Variants in SLC17A1 observed in about 807,000 individuals in gnomAD.
The protein encoded by SLC17A1 is sodium-dependent phosphate transport protein 1.
A neutral mutation model predicts 53.5 loss-of-function variants in SLC17A1; 51 were observed. That is an observed-to-expected ratio of 0.95 (90% CI 0.76 to 1.20). SLC17A1 has a LOEUF of 1.20. Ranked by LOEUF, SLC17A1 falls within the 50% of genes most tolerant of loss-of-function variation. The pLI is 0.00. For synonymous variants in SLC17A1, 179 were observed against 198.8 expected (o/e 0.90, Z 0.84); for missense variants, 538 against 568.2 (o/e 0.95, Z 0.54).
intron 12 of SLC17A1, among the ~76,000 whole-genome samples, chr6:25,786,049 C>G (rs762216689): frequency 1.8e-4 from 28 of 152,168 alleles, no homozygotes; most frequent in Non-Finnish European, 1.9e-4. Flanking sequence ...CTATTCACAG[C>G]AGCCAAAAGG....
At chr6:25,807,494 A>G (rs1764000799) in intron 10 of SLC17A1, among the ~76,000 whole-genome samples, 1 of 151,996 alleles carries the variant, frequency 6.6e-6, no homozygotes, top group African/African-American at 2.4e-5. Context: ...TTGGGGGAAC[A>G]GGTGGTATTT....
intron 8 of SLC17A1, among the ~76,000 whole-genome samples, chr6:25,812,596 G>A (rs1177370473): frequency 1.3e-5 from 2 of 152,126 alleles, no homozygotes; most frequent in South Asian, 2.1e-4. Context: ...GCAAATGTGC[G>A]GAAATATAGA....
At chr6:25,744,997 CA>C in the SLC17A1 span, among the ~76,000 whole-genome samples, 2 of 151,730 alleles carry the variant, frequency 1.3e-5, no homozygotes, top group South Asian at 2.1e-4. Flanking sequence ...CATTTTCCTT[CA>C]TTTTTTTTTT....
At chr6:25,762,293 T>C in the SLC17A1 span, among the ~76,000 whole-genome samples, 8 of 152,128 alleles carry the variant, frequency 5.3e-5, no homozygotes, top group Middle Eastern at 3.4e-3. Flanking sequence ...TATTTAGAGA[T>C]GAAGGAAAAA....
At chr6:25,731,620 C>G in the SLC17A1 span, among the ~76,000 whole-genome samples, 1 of 152,166 alleles carries the variant, frequency 6.6e-6, no homozygotes, top group East Asian at 1.9e-4. Context: ...AAAGTTTAGA[C>G]TTAAAGATAA....
the SLC17A1 span, among the ~76,000 whole-genome samples, chr6:25,743,608 T>G: frequency 6.6e-6 from 1 of 152,166 alleles, no homozygotes; most frequent in Non-Finnish European, 1.5e-5. Flanking sequence ...TAATATGAAA[T>G]TCAATTAAGT....
At chr6:25,755,048 T>TACACACACAC in the SLC17A1 span, among the ~76,000 whole-genome samples, 84 of 145,050 alleles carry the variant, frequency 5.8e-4, no homozygotes, top group African/African-American at 1.7e-3. Flanking sequence ...CACACACACA[T>TACACACACAC]ACACACACAC....
the SLC17A1 span, chr6:25,773,801 T>C: frequency 1.2e-6 from 1 of 867,754 alleles, no homozygotes; most frequent in Non-Finnish European, 1.7e-6. Context: ...GACCTCCATA[T>C]AGGAAATGCA....
chr6:25,777,010 A>T, the SLC17A1 span: 5 of 1,554,278 alleles, frequency 3.2e-6, no homozygotes, highest in Non-Finnish European at 4.3e-6. Context: ...CAAGTCTAGC[A>T]GCCCTAAATC....
intron 10 of SLC17A1, among the ~76,000 whole-genome samples, chr6:25,806,355 A>G (rs761786099): frequency 6.6e-6 from 1 of 152,124 alleles, no homozygotes; most frequent in Non-Finnish European, 1.5e-5. Context: ...TCCTTAACAA[A>G]TTAAGCATAG....
At chr6:25,796,483 A>G (rs1377166061) in intron 12 of SLC17A1, among the ~76,000 whole-genome samples, 2 of 151,966 alleles carry the variant, frequency 1.3e-5, no homozygotes, top group African/African-American at 4.8e-5. Flanking sequence ...TTGCATGCCT[A>G]TAGTCCCAGC....
Position 25,811,626 on chromosome 6 carries a change from G to A in SLC17A1, c.1030+12C>T. The A allele has an allele frequency of 6.2e-7, 1 of 1,613,884 alleles. No individual in the cohort carries two copies. ...ATCTCCCAAGTGCTTAAATGTTCTGGCTGTTGCTTACCTGCTGCTGTGAAG... is the reference window on the plus strand; with the variant it reads ...ATCTCCCAAGTGCTTAAATGTTCTGACTGTTGCTTACCTGCTGCTGTGAAG... On this transcript the variant is annotated intron_variant, in intron 9 of 12. Coordinates refer to ENST00000244527, the MANE Select transcript of SLC17A1 (RefSeq NM_005074.5).
the SLC17A1 span, among the ~76,000 whole-genome samples, chr6:25,748,602 C>A: frequency 6.6e-6 from 1 of 152,110 alleles, no homozygotes; most frequent in South Asian, 2.1e-4. Flanking sequence ...GCTCAGGAGA[C>A]CGGCGCTCAG....
chr6:25,733,998 T>C, the SLC17A1 span, among the ~76,000 whole-genome samples: 2 of 152,052 alleles, frequency 1.3e-5, no homozygotes, highest in Non-Finnish European at 2.9e-5. Flanking sequence ...GTATTTTTAG[T>C]AGAGACGGGG....
chr6:25,783,781 G>T (rs1282537905), intron 12 of SLC17A1, among the ~76,000 whole-genome samples: 2 of 151,102 alleles, frequency 1.3e-5, no homozygotes, highest in Non-Finnish European at 2.9e-5. Context: ...TTGTGGTCCT[G>T]CACCCACCAC....
chr6:25,731,674 G>T, the SLC17A1 span: 1 of 712,342 alleles, frequency 1.4e-6, no homozygotes, highest in Non-Finnish European at 2.1e-6. Flanking sequence ...GTCTGGCAAC[G>T]AGGCATACTC....
At chr6:25,759,677 A>C in the SLC17A1 span, among the ~76,000 whole-genome samples, 1 of 152,218 alleles carries the variant, frequency 6.6e-6, no homozygotes, top group African/African-American at 2.4e-5. Context: ...AAACAAACAA[A>C]AAAAGAATAG....
At chr6:25,822,916 T>C (rs1764614452) in intron 3 of SLC17A1, among the ~76,000 whole-genome samples, 1 of 152,080 alleles carries the variant, frequency 6.6e-6, no homozygotes, top group South Asian at 2.1e-4. Context: ...AGTGAACATA[T>C]TCTTTATCTC....
chr6:25,781,996 T>G (rs1763278252), downstream of SLC17A1, among the ~76,000 whole-genome samples: 1 of 152,176 alleles, frequency 6.6e-6, no homozygotes, highest in Non-Finnish European at 1.5e-5. Context: ...AAAAGTCGCA[T>G]ATGCAAAAAA....
Sources: allele counts gnomAD v4.1 joint callset (sites outside exome capture counted in the v4.1 genomes callset), GRCh38; gene constraint gnomAD v4.1.1; transcripts MANE v1.5; gene names NCBI Gene and HGNC (gene_info 2026-07-23, HGNC 2026-07-21).